FHIT: variants seen among roughly 807,000 people sequenced by gnomAD.
FHIT encodes the protein bis(5'-adenosyl)-triphosphatase.
In FHIT, 19 loss-of-function variants were observed where a neutral mutation model predicts 17.9. The ratio of observed to expected loss-of-function variants is 1.06; its 90% CI spans 0.74 to 1.56. The LOEUF (loss-of-function observed/expected upper bound fraction) is 1.56, where lower values mean the gene tolerates loss of function less well. Ranked by LOEUF, FHIT falls within the 40% of genes most tolerant of loss-of-function variation. FHIT has a pLI of 0.00. For synonymous variants in FHIT, 81 were observed against 69.7 expected (o/e 1.16, Z -0.81); for missense variants, 248 against 189.2 (o/e 1.31, Z -1.82).
chr3:59,895,005 G>C (rs1575656663), intron 8 of FHIT, among the ~76,000 whole-genome samples: 1 of 152,210 alleles, frequency 6.6e-6, no homozygotes, highest in Admixed American at 6.5e-5. Flanking sequence ...TTAGGGCAGG[G>C]GTTCTCAACT....
At chr3:60,406,437 C>T (rs538064241) in intron 5 of FHIT, among the ~76,000 whole-genome samples, 3 of 152,288 alleles carry the variant, frequency 2.0e-5, no homozygotes, top group African/African-American at 7.2e-5. Context: ...CCTGGCAGAC[C>T]ACTGGAGCCA....
At chr3:60,075,236 T>C (rs1418801553) in intron 5 of FHIT, among the ~76,000 whole-genome samples, 2 of 152,156 alleles carry the variant, frequency 1.3e-5, no homozygotes, top group Admixed American at 6.6e-5. Context: ...GAATAATCAA[T>C]CACTCAATTT....
At chr3:60,195,553 A>ATATATATATATATATTTATATATT (rs148013554) in intron 5 of FHIT, among the ~76,000 whole-genome samples, 3 of 136,506 alleles carry the variant, frequency 2.2e-5, no homozygotes, top group Non-Finnish European at 3.1e-5. Context: ...TGTGATATAT[A>ATATATATATATATATTTATATATT]TATATATTTA....
chr3:60,480,418 A>T (rs1049684712), intron 5 of FHIT, among the ~76,000 whole-genome samples: 1 of 152,202 alleles, frequency 6.6e-6, no homozygotes, highest in African/African-American at 2.4e-5. Flanking sequence ...CCTTCCCAAC[A>T]GTTCCCCAAA....
intron 5 of FHIT, among the ~76,000 whole-genome samples, chr3:60,361,916 T>A (rs6772159): frequency 6.6e-6 from 1 of 152,090 alleles, no homozygotes; most frequent in African/African-American, 2.4e-5. Context: ...CCACTTCAGC[T>A]CTCATTTACA....
At chr3:60,478,464 T>C (rs775985039) in intron 5 of FHIT, among the ~76,000 whole-genome samples, 1 of 152,190 alleles carries the variant, frequency 6.6e-6, no homozygotes, top group African/African-American at 2.4e-5. Flanking sequence ...GACCTAACTA[T>C]GATTATGTCA....
At chr3:61,232,503 G>C (rs978488225) in intron 1 of FHIT, among the ~76,000 whole-genome samples, 2 of 152,206 alleles carry the variant, frequency 1.3e-5, no homozygotes, top group African/African-American at 4.8e-5. Context: ...ACCACCCCTT[G>C]GAGGAGGAGG....
At chr3:60,129,706 T>C (rs58973984) in intron 5 of FHIT, among the ~76,000 whole-genome samples, 4,424 of 152,250 alleles carry the variant, frequency 0.029, 212 homozygotes, top group African/African-American at 0.099. Context: ...ATCCCAAATA[T>C]AAACATCTGT....
At chr3:60,188,207 C>CTTTTTTTTTTTTTTTTTTTTTTT in intron 5 of FHIT, among the ~76,000 whole-genome samples, 1 of 125,574 alleles carries the variant, frequency 8.0e-6, no homozygotes, top group Non-Finnish European at 1.6e-5. Context: ...CAGTTTCTTT[C>CTTTTTTTTTTTTTTTTTTTTTTT]TTTTTTTTTT....
At chr3:61,138,671 G>C (rs369355507) in intron 2 of FHIT, among the ~76,000 whole-genome samples, 1 of 152,166 alleles carries the variant, frequency 6.6e-6, no homozygotes, top group Non-Finnish European at 1.5e-5. Flanking sequence ...GTTGAAATCA[G>C]CACATCCTTC....
At chr3:60,394,166 G>T (rs757711883) in intron 5 of FHIT, among the ~76,000 whole-genome samples, 1 of 152,096 alleles carries the variant, frequency 6.6e-6, no homozygotes, top group East Asian at 1.9e-4. Context: ...AGAGGTGTAG[G>T]AATGGGAATA....
chr3:60,294,532 A>G (rs952781387), intron 5 of FHIT, among the ~76,000 whole-genome samples: 1 of 152,212 alleles, frequency 6.6e-6, no homozygotes, highest in Non-Finnish European at 1.5e-5. Context: ...AACAATGAGT[A>G]CAGCCACATG....
intron 5 of FHIT, among the ~76,000 whole-genome samples, chr3:60,048,394 G>A (rs6779703): frequency 2.0e-5 from 3 of 151,858 alleles, no homozygotes; most frequent in Admixed American, 1.3e-4. Flanking sequence ...GCCAGGATGG[G>A]CTCGATCTCC....
In FHIT at chr3:60,112,375, T is replaced by C. The variant is rs573756725; in HGVS notation, c.104-98223A>G. ...CTGACTCTACTAATGCAAGAAACCA[T>C]AGAATGCTTATCTGTAGCTGTGGTC... On this transcript the variant is annotated intron_variant, in intron 5 of 9. Coordinates refer to ENST00000492590, the MANE Select transcript of FHIT (RefSeq NM_002012.4). Among the ~76,000 whole-genome samples, 24 of 152,254 alleles carry C rather than the reference T, an allele frequency of 1.6e-4. No individual in the cohort carries two copies. In the South Asian group the frequency reaches 2.1e-3, roughly 13 times the overall value.
At chr3:59,832,579 TG>T (rs1402749921) in intron 8 of FHIT, among the ~76,000 whole-genome samples, 2 of 152,214 alleles carry the variant, frequency 1.3e-5, no homozygotes, top group African/African-American at 4.8e-5. Context: ...GTGAATAGCA[TG>T]GCCCCGATGA....
intron 5 of FHIT, among the ~76,000 whole-genome samples, chr3:60,105,531 T>G (rs2205361): frequency 0.3 from 45,521 of 152,064 alleles, 7,435 homozygotes; most frequent in East Asian, 0.52. Context: ...TTATGCCTAC[T>G]TTAGTGATCA....
At position 60,215,153 on chromosome 3, in the gene FHIT, AC is replaced by A. The variant is rs1018790672; in HGVS notation, c.104-201002del. 2.9e-4 allele frequency among the ~76,000 whole-genome samples: 44 copies of A among 151,962 alleles called. 2 individuals carry two copies. Among genetic ancestry groups the A allele is most frequent in the African/African-American group, 4.8e-5 (2 of 41,360 alleles). On this transcript the variant is annotated intron_variant, in intron 5 of 9. Transcript: ENST00000492590. The stretch of plus-strand genomic sequence containing the variant: ...ACCCGTGTAACAAGCCTGGATGCAC[AC>A]CCCTGGAATCTAAAATAAAATAAGA...
At chr3:60,043,932 A>G (rs1701547517) in intron 5 of FHIT, among the ~76,000 whole-genome samples, 2 of 152,238 alleles carry the variant, frequency 1.3e-5, no homozygotes, top group African/African-American at 4.8e-5. Flanking sequence ...ATAAAACAGA[A>G]TAATCCAAAC....
rs1422209242 is a variant in FHIT at position 60,680,708 on chromosome 3, T to C, written c.-18+141211A>G. Among the ~76,000 whole-genome samples, 6 of 152,118 alleles carry C rather than the reference T, an allele frequency of 3.9e-5. No homozygotes were observed. In the South Asian group the frequency reaches 8.3e-4, roughly 21 times the overall value. On this transcript the variant is annotated intron_variant, in intron 4 of 9. Transcript: ENST00000492590. Reference sequence around the variant, plus strand: ...AGAACATCAGAATAATATATAGATATTTTGGAAAGCAAGCTGAGTGACAAC... The same window carrying C: ...AGAACATCAGAATAATATATAGATACTTTGGAAAGCAAGCTGAGTGACAAC...
Sources: gnomAD v4.1 joint callset for allele counts (sites outside exome capture counted in the v4.1 genomes callset) on GRCh38, gnomAD v4.1.1 for gene constraint, MANE v1.5 for transcripts, NCBI Gene and HGNC (gene_info 2026-07-23, HGNC 2026-07-21) for gene names.